CAMTA1: variants seen among roughly 807,000 people sequenced by gnomAD.
CAMTA1 encodes the protein calmodulin binding transcription activator 1, also known as calmodulin-binding transcription activator 1.
In CAMTA1, 27 loss-of-function variants were observed where a neutral mutation model predicts 170.9. That is an observed-to-expected ratio of 0.16 (90% confidence interval 0.12 to 0.22). The LOEUF (loss-of-function observed/expected upper bound fraction) is 0.22, where lower values mean the gene tolerates loss of function less well. Ranked by LOEUF, CAMTA1 falls within the 10% of genes least tolerant of loss-of-function variation. The probability of loss-of-function intolerance (pLI) is 1.00; values close to 1 mark genes in which losing one functional copy is unlikely to be tolerated. For missense variants in CAMTA1, 1,619 were observed against 2,217.2 expected, an observed-to-expected ratio of 0.73 and a Z score of 5.42; for synonymous variants, 833 against 891.5, an observed-to-expected ratio of 0.93 and a Z score of 1.17.
chr1:7,470,155 C>T (rs1006198895), intron 6 of CAMTA1, among the ~76,000 whole-genome samples: 1 of 152,230 alleles, frequency 6.6e-6, no homozygotes, highest in East Asian at 1.9e-4. Context: ...CAGCATCAGA[C>T]TTGTTTCTGT....
intron 6 of CAMTA1, among the ~76,000 whole-genome samples, chr1:7,515,250 C>T (rs761079414): frequency 3.9e-5 from 6 of 152,194 alleles, no homozygotes; most frequent in Non-Finnish European, 8.8e-5. Context: ...TGTCACTCAC[C>T]GGCAGAGCTT....
chr1:6,986,293 A>G (rs1035139673), intron 3 of CAMTA1, among the ~76,000 whole-genome samples: 2 of 152,146 alleles, frequency 1.3e-5, no homozygotes, highest in African/African-American at 2.4e-5. Context: ...TGTTTGACAC[A>G]ATTATTAGAT....
rs754639265 is a variant in CAMTA1, at chr1:7,647,652, AC to A, written c.664+7101del. Among the ~76,000 whole-genome samples the A allele has an allele frequency of 8.5e-5, 13 of 152,070 alleles. 1 individual carries two copies. The highest frequency in any genetic ancestry group is 2.6e-4 in the Admixed American group (4 of 15,268). On this transcript the variant is annotated intron_variant, in intron 7 of 22. Coordinates refer to ENST00000303635, the MANE Select transcript of CAMTA1 (RefSeq NM_015215.4). ...ACCCTAGGGAGAGGTGCCTGTGCCC[AC>A]CTTTTTTCCTCTCCAGCTCAGTCGA...
chr1:6,907,186 C>CAGTA (rs1336555264), intron 3 of CAMTA1, among the ~76,000 whole-genome samples: 2 of 152,180 alleles, frequency 1.3e-5, no homozygotes, highest in Admixed American at 1.3e-4. Flanking sequence ...GTTGGTAAAA[C>CAGTA]AGTAAGAGTT....
rs1429075092 is a variant in CAMTA1, at chr1:7,456,845, A to C, written c.439-10985A>C. ...GAGGGTGGGAAAACAGGCAGGTGAG[A>C]GTGGCCAGGTTCCTGGACGTGACCC... On this transcript the variant is annotated intron_variant, in intron 5 of 22. Coordinates refer to ENST00000303635, the MANE Select transcript of CAMTA1 (RefSeq NM_015215.4). This position sits in a 1 kb window ranked among gnomAD's most constrained non-coding sequence, Gnocchi z 4.9. 1.3e-5 allele frequency among the ~76,000 whole-genome samples: 2 copies of C among 152,206 alleles called. No homozygotes were observed. Among genetic ancestry groups the C allele is most frequent in the East Asian group, 1.9e-4 (1 of 5,194 alleles).
chr1:7,092,828 T>A lies in CAMTA1; in HGVS notation c.302+1457T>A, dbSNP rs1055569557. 6.6e-6 allele frequency among the ~76,000 whole-genome samples: 1 copy of A among 152,232 alleles called. No individual in the cohort carries two copies. Among genetic ancestry groups the A allele is most frequent in the African/African-American group, 2.4e-5 (1 of 41,458 alleles). ...GGACCTAGGCTGAGGAAGCCCCCTC[T>A]GCCTGGGAAGTTGGCGTCTCCCAGA... On this transcript the variant is annotated intron_variant, in intron 4 of 22. Transcript: ENST00000303635. The surrounding 1 kb of genome is among the most constrained non-coding windows in gnomAD (Gnocchi z 5.0).
At chr1:7,121,762 A>G (rs1644656093) in intron 4 of CAMTA1, among the ~76,000 whole-genome samples, 1 of 152,010 alleles carries the variant, frequency 6.6e-6, no homozygotes, top group African/African-American at 2.4e-5. Flanking sequence ...CATTCCCTAG[A>G]CTTGGCTGTT....
At chr1:7,256,087 A>G (rs531343612) in intron 5 of CAMTA1, among the ~76,000 whole-genome samples, 20 of 152,324 alleles carry the variant, frequency 1.3e-4, no homozygotes, top group African/African-American at 4.8e-4. Context: ...CTAACAAGTT[A>G]AAACTTAATT....
chr1:7,179,849 C>G (rs1651734131), intron 4 of CAMTA1, among the ~76,000 whole-genome samples: 2 of 151,736 alleles, frequency 1.3e-5, no homozygotes, highest in Non-Finnish European at 2.9e-5. Context: ...ACAAGGTAAA[C>G]CAAAAGAAAG....
Position 7,609,206 on chromosome 1 carries a change from C to T in CAMTA1, c.511-31194C>T, listed in dbSNP as rs755671082. ...CCACAGACAGGGGTTTATGATGAGC[C>T]GGCTTGCTCATCCTTGAGCCTGGGT... On this transcript the variant is annotated intron_variant, in intron 6 of 22. Coordinates refer to ENST00000303635, the MANE Select transcript of CAMTA1 (RefSeq NM_015215.4). The surrounding 1 kb of genome is among the most constrained non-coding windows in gnomAD (Gnocchi z 4.4). Among the ~76,000 whole-genome samples the T allele has an allele frequency of 3.3e-5, 5 of 152,120 alleles. No individual in the cohort carries two copies. Among genetic ancestry groups the T allele is most frequent in the African/African-American group, 4.8e-5 (2 of 41,420 alleles).
intron 5 of CAMTA1, among the ~76,000 whole-genome samples, chr1:7,402,581 A>G (rs569627865): frequency 6.6e-6 from 1 of 152,278 alleles, no homozygotes; most frequent in South Asian, 2.1e-4. Context: ...GGCTTAACAA[A>G]TAAGTAAGTA....
chr1:7,279,922 C>T (rs1314228973), intron 5 of CAMTA1, among the ~76,000 whole-genome samples: 1 of 152,150 alleles, frequency 6.6e-6, no homozygotes, highest in Non-Finnish European at 1.5e-5. Context: ...CCCCTCCTCT[C>T]CTGGGGTTGG....
At chr1:6,951,526 G>A (rs1256134022) in intron 3 of CAMTA1, among the ~76,000 whole-genome samples, 1 of 152,150 alleles carries the variant, frequency 6.6e-6, no homozygotes, top group Non-Finnish European at 1.5e-5. Flanking sequence ...ATAAAATGAG[G>A]GTTATAAGAA....
chr1:7,238,023 C>T (rs1321108328), intron 4 of CAMTA1, among the ~76,000 whole-genome samples: 1 of 152,246 alleles, frequency 6.6e-6, no homozygotes, highest in African/African-American at 2.4e-5. Flanking sequence ...CTAGATCTCA[C>T]TCCAAATCTC....
chr1:6,936,849 G>A (rs924013915), intron 3 of CAMTA1, among the ~76,000 whole-genome samples: 2 of 152,032 alleles, frequency 1.3e-5, no homozygotes, highest in Admixed American at 6.5e-5. Context: ...TTAGCTGGGC[G>A]TGGTGGCAGG....
intron 3 of CAMTA1, among the ~76,000 whole-genome samples, chr1:6,889,766 C>A (rs1361416725): frequency 2.0e-5 from 3 of 152,078 alleles, no homozygotes; most frequent in Non-Finnish European, 4.4e-5. Flanking sequence ...ATACGACAAC[C>A]CCTGTGACCA....
intron 3 of CAMTA1, among the ~76,000 whole-genome samples, chr1:6,974,123 G>C (rs1266354938): frequency 1.3e-5 from 2 of 152,188 alleles, no homozygotes; most frequent in Non-Finnish European, 1.5e-5. Context: ...TGTGGAGCTC[G>C]GTCTGGGCTG....
chr1:6,899,237 A>G (rs985843600), intron 3 of CAMTA1, among the ~76,000 whole-genome samples: 1 of 152,228 alleles, frequency 6.6e-6, no homozygotes, highest in Non-Finnish European at 1.5e-5. Context: ...TTCCTGATGG[A>G]TGGAGCCTAT....
rs938364781 is a variant in CAMTA1 at position 7,665,996 on chromosome 1, C to T, written c.2652+797C>T. Among the ~76,000 whole-genome samples, 2 of 151,836 alleles carry T rather than the reference C, an allele frequency of 1.3e-5. No individual in the cohort carries two copies. The highest frequency in any genetic ancestry group is 2.1e-4 in the South Asian group (1 of 4,810). On this transcript the variant is annotated intron_variant, in intron 9 of 22. Transcript: ENST00000303635. This position sits in a 1 kb window ranked among gnomAD's most constrained non-coding sequence, Gnocchi z 4.3. ...TAGCCTGGCCAACATGGTGAAACCCCGTCTCTACTAAAAATACAAAAAATT... is the reference window on the plus strand; with the variant it reads ...TAGCCTGGCCAACATGGTGAAACCCTGTCTCTACTAAAAATACAAAAAATT...
Sources: allele counts gnomAD v4.1 joint callset (sites outside exome capture counted in the v4.1 genomes callset), GRCh38; gene constraint gnomAD v4.1.1; non-coding constraint Gnocchi (gnomAD v3.1); transcripts MANE v1.5; gene names NCBI Gene and HGNC (gene_info 2026-07-23, HGNC 2026-07-21).